FYTTD1: variants seen among roughly 807,000 people sequenced by gnomAD.
FYTTD1 encodes the protein forty-two-three domain containing 1.
Under a neutral mutation model 40.9 loss-of-function variants are expected in FYTTD1, and 22 were observed. That is an observed-to-expected ratio of 0.54 (90% CI 0.38 to 0.77). The LOEUF is 0.77. Ranked by LOEUF, FYTTD1 falls within the 30% of genes least tolerant of loss-of-function variation. The pLI is 0.00. For missense variants in FYTTD1, 351 were observed against 392.2 expected (o/e 0.90, Z 0.89); for synonymous variants, 140 against 137.9 (o/e 1.01, Z -0.10).
At chr3:197,750,191 G>A in intron 1 of FYTTD1, 117 bp downstream of exon 1, 1 of 926,284 alleles carries the variant, frequency 1.1e-6, no homozygotes, top group Non-Finnish European at 1.5e-6. Context: ...TTTTCTCGCT[G>A]GTGGGCGGAC....
intron 2 of FYTTD1, among the ~76,000 whole-genome samples, chr3:197,767,912 T>A (rs1379555716): frequency 6.6e-6 from 1 of 152,244 alleles, no homozygotes; most frequent in African/African-American, 2.4e-5. Flanking sequence ...TGCAGTGTGC[T>A]GTCATAAGTA....
chr3:197,753,039 G>A (rs546467705), intron 1 of FYTTD1, among the ~76,000 whole-genome samples: 1 of 152,280 alleles, frequency 6.6e-6, no homozygotes, highest in South Asian at 2.1e-4. Flanking sequence ...ATGAAGTGCT[G>A]TGGAGAGCTG....
At chr3:197,753,113 G>T (rs1729112460) in intron 1 of FYTTD1, among the ~76,000 whole-genome samples, 1 of 151,950 alleles carries the variant, frequency 6.6e-6, no homozygotes, top group Admixed American at 6.6e-5. Flanking sequence ...CCTTTCTTTT[G>T]GTGAGAATTT....
chr3:197,781,149 A>G (rs1730017781), intron 8 of FYTTD1, among the ~76,000 whole-genome samples: 1 of 151,798 alleles, frequency 6.6e-6, no homozygotes, highest in Admixed American at 6.6e-5. Context: ...CCCTGTCTCC[A>G]CTAAAAATAA....
chr3:197,749,855 G>A, upstream of FYTTD1: 3 of 611,738 alleles, frequency 4.9e-6, no homozygotes, highest in Non-Finnish European at 7.7e-6. Flanking sequence ...GGAGACCGAG[G>A]ACGGCGCCGG....
Position 197,755,796 on chromosome 3 carries a change from G to T in FYTTD1, c.104-630G>T, listed in dbSNP as rs763419890. On this transcript the variant is annotated intron_variant, in intron 1 of 8. Transcript: ENST00000241502. Reference sequence around the variant, plus strand: ...AGTCACCATGCCTGGCCGGAAGGGGGTCATCTTTAAAAAATGGAGCCTTCT... The same window carrying T: ...AGTCACCATGCCTGGCCGGAAGGGGTTCATCTTTAAAAAATGGAGCCTTCT... 1.4e-5 allele frequency: 22 copies of T among 1,550,850 alleles called. No individual in the cohort carries two copies. In the African/African-American group the frequency reaches 2.9e-4, roughly 20 times the overall value.
rs1269249106 is a variant in FYTTD1, at chr3:197,785,582, G to A, written c.*3673G>A. The A allele has an allele frequency of 6.6e-6, 1 of 150,824 alleles. No homozygotes were observed. The highest frequency in any genetic ancestry group is 1.9e-4 in the East Asian group (1 of 5,154). The allele number at this position is 150,824 out of a possible 1,614,324, so 9.3% of individuals were successfully genotyped here. ...CACACAAAGTATACGGGCCCAGCAG[G>A]CCTCATTGCTCAGCAGTGAGTTTTT... On this transcript the variant is annotated 3_prime_UTR_variant, in exon 9 of 9. Transcript: ENST00000241502.
At chr3:197,756,285 G>T in intron 1 of FYTTD1, 141 bp from the exon 2 acceptor site, 1 of 662,270 alleles carries the variant, frequency 1.5e-6, no homozygotes. Flanking sequence ...TAAAATGGCT[G>T]ATTCTTGTTA....
intron 3 of FYTTD1, among the ~76,000 whole-genome samples, chr3:197,769,402 A>C (rs1729645304): frequency 6.6e-6 from 1 of 152,194 alleles, no homozygotes; most frequent in South Asian, 2.1e-4. Flanking sequence ...AGAATTTTTA[A>C]TGTGATTTAG....
At chr3:197,754,911 C>T (rs529493338) in intron 1 of FYTTD1, among the ~76,000 whole-genome samples, 2 of 152,150 alleles carry the variant, frequency 1.3e-5, no homozygotes, top group Non-Finnish European at 2.9e-5. Context: ...AAGCATTCTC[C>T]CATCTCACCT....
chr3:197,771,776 C>CA (rs755304777), intron 4 of FYTTD1, among the ~76,000 whole-genome samples: 51,908 of 66,314 alleles, frequency 0.78, 20,847 homozygotes, highest in East Asian at 0.9. Context: ...GACTCCGTCT[C>CA]AAAAAAAAAA....
chr3:197,773,288 T>C (rs1729769726), intron 4 of FYTTD1, 115 bp from the exon 5 acceptor site: 7 of 629,044 alleles, frequency 1.1e-5, no homozygotes, highest in African/African-American at 1.9e-5. Context: ...CAGAGTTGTT[T>C]GTTTCTTGCA....
intron 6 of FYTTD1, 93 bp from the exon 7 acceptor site, chr3:197,776,834 A>G (rs1729888869): frequency 2.5e-6 from 2 of 796,442 alleles, no homozygotes; most frequent in East Asian, 5.4e-5. Flanking sequence ...AAGAAAAAGT[A>G]ATGGCTACTT....
chr3:197,771,750 C>T (rs1233322176), intron 4 of FYTTD1, among the ~76,000 whole-genome samples: 5 of 122,868 alleles, frequency 4.1e-5, no homozygotes, highest in Non-Finnish European at 1.6e-5. Flanking sequence ...GCACTCCAGC[C>T]TGGGCGACAG....
intron 1 of FYTTD1, among the ~76,000 whole-genome samples, chr3:197,753,933 G>A (rs1289842516): frequency 6.6e-6 from 1 of 151,832 alleles, no homozygotes; most frequent in Non-Finnish European, 1.5e-5. Flanking sequence ...GTAGACACAG[G>A]GTTTCACCAT....
chr3:197,770,117 C>G lies in FYTTD1; in HGVS notation c.385-15C>G, dbSNP rs771128117. 1.4e-6 allele frequency: 2 copies of G among 1,458,654 alleles called. No individual in the cohort carries two copies. The highest frequency in any genetic ancestry group is 1.9e-6 in the Non-Finnish European group (2 of 1,049,712). The allele number at this position is 1,458,654 out of a possible 1,614,324, so 90.4% of individuals were successfully genotyped here. On this transcript the variant is annotated splice_polypyrimidine_tract_variant and intron_variant, in intron 3 of 8. Transcript: ENST00000241502. ...AAATGCAATTTGATTAACATAATTTCTTGCCTTCTGATAGAATATAGAACA... is the reference window on the plus strand; with the variant it reads ...AAATGCAATTTGATTAACATAATTTGTTGCCTTCTGATAGAATATAGAACA...
In FYTTD1 at chr3:197,785,393, G is replaced by A. The variant is rs1433970556; in HGVS notation, c.*3484G>A. 7.2e-5 allele frequency: 11 copies of A among 152,174 alleles called. No homozygotes were observed. The highest frequency in any genetic ancestry group is 1.3e-4 in the Non-Finnish European group (9 of 68,036). 9.4% of individuals were successfully genotyped at this position (152,174 alleles called of 1,614,324 possible). A position where few individuals can be genotyped will look rare whatever the true frequency, so the allele number is the denominator to read the frequency against. On this transcript the variant is annotated 3_prime_UTR_variant, in exon 9 of 9. Coordinates refer to ENST00000241502, the MANE Select transcript of FYTTD1 (RefSeq NM_032288.7). The stretch of plus-strand genomic sequence containing the variant: ...TTGGTTCAAAACAATTTGCTTATAA[G>A]TAGACCCAGGTAATTCAAAGCCATG...
chr3:197,782,749 T>G lies in FYTTD1; in HGVS notation c.*840T>G, dbSNP rs1004926894. 1 of 152,202 alleles carries G rather than the reference T, an allele frequency of 6.6e-6. No individual in the cohort carries two copies. The highest frequency in any genetic ancestry group is 2.4e-5 in the African/African-American group (1 of 41,454). 9.4% of individuals were successfully genotyped at this position (152,202 alleles called of 1,614,324 possible). ...TGTACTGTTTGGATGTAGCATAGTC[T>G]TGAGTCTAGCGTCCACAAAGAATTA... is the stretch of plus-strand genomic sequence containing the variant. On this transcript the variant is annotated 3_prime_UTR_variant, in exon 9 of 9. Transcript: ENST00000241502.
intron 2 of FYTTD1, among the ~76,000 whole-genome samples, chr3:197,765,392 C>T (rs1026215492): frequency 1.3e-5 from 2 of 152,148 alleles, no homozygotes; most frequent in Admixed American, 1.3e-4. Context: ...TTATAGTACT[C>T]AGCACAGTGC....
Sources: gnomAD v4.1 joint callset for allele counts (sites outside exome capture counted in the v4.1 genomes callset) on GRCh38, gnomAD v4.1.1 for gene constraint, MANE v1.5 for transcripts, NCBI Gene and HGNC (gene_info 2026-07-23, HGNC 2026-07-21) for gene names.